Variants in CDC42BPA observed in about 807,000 individuals in gnomAD.
CDC42BPA encodes the protein CDC42 binding protein kinase alpha, also known as serine/threonine-protein kinase MRCK alpha.
In CDC42BPA, 80 loss-of-function variants were observed where a neutral mutation model predicts 223.5. The ratio of observed to expected loss-of-function variants is 0.36; its 90% CI spans 0.30 to 0.43. CDC42BPA has a LOEUF of 0.43. CDC42BPA is among the 20% of genes least tolerant of loss of function. The pLI, the probability that CDC42BPA is intolerant of heterozygous loss-of-function variation, is 1.00. For missense variants in CDC42BPA, 1,743 were observed against 2,099.9 expected, an observed-to-expected ratio of 0.83 and a Z score of 3.32; for synonymous variants, 694 against 718.6, an observed-to-expected ratio of 0.97 and a Z score of 0.55.
intron 2 of CDC42BPA, among the ~76,000 whole-genome samples, chr1:227,228,995 T>C (rs1246338092): frequency 6.6e-6 from 1 of 152,192 alleles, no homozygotes; most frequent in East Asian, 1.9e-4. Flanking sequence ...CTGATGGTGT[T>C]TTTTGGAGGC....
chr1:227,045,431 T>C (rs1265004682), intron 23 of CDC42BPA, among the ~76,000 whole-genome samples: 1 of 152,202 alleles, frequency 6.6e-6, no homozygotes, highest in African/African-American at 2.4e-5. Context: ...CACACAATGA[T>C]GTGACTGGGG....
intron 10 of CDC42BPA, among the ~76,000 whole-genome samples, chr1:227,131,024 T>G (rs1656990167): frequency 6.6e-6 from 1 of 152,236 alleles, no homozygotes; most frequent in Non-Finnish European, 1.5e-5. Context: ...GACCATTTCC[T>G]GCTTATGTGG....
Position 227,313,396 on chromosome 1 carries a change from G to C in CDC42BPA, c.178+3609C>G, listed in dbSNP as rs1017447656. On this transcript the variant is annotated intron_variant, in intron 1 of 36. Coordinates refer to ENST00000366766, the MANE Select transcript of CDC42BPA (RefSeq NM_001394014.1). ...GTGTAATTTCTCTTAAAAAGAGAGA[G>C]ACAAACAGAAATGTTATAATAATAG... Among the ~76,000 whole-genome samples the C allele has an allele frequency of 2.0e-5, 3 of 152,100 alleles. No homozygotes were observed. The South Asian group carries it at 6.2e-4, about 32-fold the overall frequency.
At chr1:227,117,906 C>T (rs1243427322) in intron 12 of CDC42BPA, among the ~76,000 whole-genome samples, 2 of 151,614 alleles carry the variant, frequency 1.3e-5, no homozygotes, top group African/African-American at 4.8e-5. Context: ...CCAAATATTT[C>T]CAAGAATTCT....
At chr1:227,121,809 T>C (rs1688714174) in intron 11 of CDC42BPA, among the ~76,000 whole-genome samples, 1 of 151,024 alleles carries the variant, frequency 6.6e-6, no homozygotes, top group African/African-American at 2.4e-5. Flanking sequence ...TTTCTTTTTT[T>C]TTTTTTTTGG....
chr1:227,278,915 G>GAT (rs1345202696), intron 1 of CDC42BPA, among the ~76,000 whole-genome samples: 2 of 151,928 alleles, frequency 1.3e-5, no homozygotes, highest in East Asian at 3.8e-4. Flanking sequence ...ATGAAGATGT[G>GAT]ATTTTAGAGA....
intron 6 of CDC42BPA, among the ~76,000 whole-genome samples, chr1:227,153,852 T>C (rs1393946637): frequency 2.6e-5 from 4 of 152,066 alleles, no homozygotes; most frequent in Admixed American, 6.5e-5. Flanking sequence ...ACAACTGTAC[T>C]ATAAACTGTT....
At chr1:227,171,905 T>G (rs1666174224) in intron 5 of CDC42BPA, among the ~76,000 whole-genome samples, 1 of 152,152 alleles carries the variant, frequency 6.6e-6, no homozygotes, top group Admixed American at 6.5e-5. Context: ...AACCACTAAT[T>G]TAAGACAGGC....
intron 12 of CDC42BPA, among the ~76,000 whole-genome samples, chr1:227,118,671 C>T (rs908387057): frequency 2.6e-5 from 4 of 152,034 alleles, no homozygotes; most frequent in Non-Finnish European, 5.9e-5. Flanking sequence ...CCAAGGAAAT[C>T]GCTCAGAAGA....
intron 26 of CDC42BPA, 32 bp downstream of exon 26, chr1:227,034,623 T>C (rs1320790465): frequency 1.3e-6 from 2 of 1,558,134 alleles, no homozygotes; most frequent in African/African-American, 1.4e-5. Flanking sequence ...TATGTTGCAA[T>C]GATACAAATA....
At chr1:227,144,360 A>G (rs1195034039) in intron 8 of CDC42BPA, among the ~76,000 whole-genome samples, 1 of 152,062 alleles carries the variant, frequency 6.6e-6, no homozygotes, top group Non-Finnish European at 1.5e-5. Flanking sequence ...GCGGATCACA[A>G]GGTCAGGAGA....
intron 7 of CDC42BPA, 68 bp from the exon 8 acceptor site, chr1:227,145,805 TTTA>T: frequency 8.0e-7 from 1 of 1,250,342 alleles, no homozygotes; most frequent in African/African-American, 1.5e-5. Context: ...GGTTGACTTA[TTTA>T]TTTTCTTAAA....
intron 4 of CDC42BPA, 116 bp downstream of exon 4, chr1:227,199,440 GT>G: frequency 1.6e-6 from 1 of 639,776 alleles, no homozygotes. Context: ...AACTTACCCT[GT>G]ATGAAATGCA....
intron 6 of CDC42BPA, among the ~76,000 whole-genome samples, chr1:227,158,973 C>T (rs905516906): frequency 6.6e-5 from 10 of 152,142 alleles, no homozygotes; most frequent in South Asian, 2.1e-4. Flanking sequence ...CCAGTCTTTG[C>T]GCAATCGTGA....
chr1:227,294,250 C>T (rs542941393), intron 1 of CDC42BPA, among the ~76,000 whole-genome samples: 3 of 150,140 alleles, frequency 2.0e-5, no homozygotes, highest in South Asian at 2.1e-4. Flanking sequence ...CCAGCCTGGG[C>T]GACTGAGCTA....
Position 226,994,460 on chromosome 1 carries a change from C to T in CDC42BPA, c.5134-61G>A. ...GGGGGAGAAAGGGAGGCAGAAGGGG[C>T]TCAGATTACCACCGCCCCCTCCAGC... On this transcript the variant is annotated intron_variant, in intron 36 of 36. Transcript: ENST00000366766. The surrounding 1 kb of genome is among the most constrained non-coding windows in gnomAD (Gnocchi z 4.0). 6.9e-7 allele frequency: 1 copy of T among 1,453,964 alleles called. No homozygotes were observed. Among genetic ancestry groups the T allele is most frequent in the Non-Finnish European group, 9.1e-7 (1 of 1,098,194 alleles). The allele number at this position is 1,453,964 out of a possible 1,614,324, so 90.1% of individuals were successfully genotyped here.
intron 2 of CDC42BPA, among the ~76,000 whole-genome samples, chr1:227,250,141 C>T (rs1046025289): frequency 4.6e-5 from 7 of 152,038 alleles, no homozygotes; most frequent in Non-Finnish European, 5.9e-5. Flanking sequence ...AAATATCTCA[C>T]GTACTCCATA....
chr1:226,997,999 C>A (rs1661985215), intron 35 of CDC42BPA, among the ~76,000 whole-genome samples: 1 of 152,004 alleles, frequency 6.6e-6, no homozygotes, highest in African/African-American at 2.4e-5. Context: ...AGCATTCCTA[C>A]ACACCAATAA....
At chr1:227,286,160 C>T (rs1688767976) in intron 1 of CDC42BPA, among the ~76,000 whole-genome samples, 1 of 152,116 alleles carries the variant, frequency 6.6e-6, no homozygotes, top group Non-Finnish European at 1.5e-5. Flanking sequence ...TCCTTCTTTA[C>T]TACTGCACCA....
Sources: gnomAD v4.1 joint callset for allele counts (sites outside exome capture counted in the v4.1 genomes callset) on GRCh38, gnomAD v4.1.1 for gene constraint, Gnocchi (gnomAD v3.1) non-coding constraint, MANE v1.5 for transcripts, NCBI Gene and HGNC (gene_info 2026-07-23, HGNC 2026-07-21) for gene names.